ZRANB3: variants seen among roughly 807,000 people sequenced by gnomAD.
The protein encoded by ZRANB3 is DNA annealing helicase and endonuclease ZRANB3.
Under a neutral mutation model 133.8 loss-of-function variants are expected in ZRANB3, and 125 were observed. That is an observed-to-expected ratio of 0.93 (90% CI 0.81 to 1.08). The LOEUF (loss-of-function observed/expected upper bound fraction) is 1.08, where lower values mean the gene tolerates loss of function less well. ZRANB3 is among the 50% of genes least tolerant of loss of function. ZRANB3 has a pLI of 0.00. For synonymous variants in ZRANB3, 387 were observed against 432.7 expected (o/e 0.89, Z 1.31); for missense variants, 1,229 against 1,275.5 (o/e 0.96, Z 0.56).
chr2:135,424,780 T>C (rs1051871380), intron 2 of ZRANB3, among the ~76,000 whole-genome samples: 4 of 152,034 alleles, frequency 2.6e-5, no homozygotes, highest in African/African-American at 7.3e-5. Context: ...AGGAAATTAG[T>C]TTCTATATTC....
chr2:135,291,277 G>C (rs1681710472), intron 8 of ZRANB3, among the ~76,000 whole-genome samples: 1 of 152,098 alleles, frequency 6.6e-6, no homozygotes. Context: ...CTGCCTTCTA[G>C]ATTCAAGCGA....
At chr2:135,408,378 G>T (rs1688142525) in intron 2 of ZRANB3, among the ~76,000 whole-genome samples, 1 of 152,230 alleles carries the variant, frequency 6.6e-6, no homozygotes, top group East Asian at 1.9e-4. Flanking sequence ...CTGTTGGTGG[G>T]ACTGTAAACT....
At chr2:135,369,188 A>G (rs566124209) in intron 3 of ZRANB3, among the ~76,000 whole-genome samples, 1 of 152,204 alleles carries the variant, frequency 6.6e-6, no homozygotes, top group South Asian at 2.1e-4. Context: ...AAATACATAG[A>G]AAGTATTTGA....
At chr2:135,401,435 G>T (rs1008538498) in intron 2 of ZRANB3, among the ~76,000 whole-genome samples, 21 of 152,128 alleles carry the variant, frequency 1.4e-4, no homozygotes, top group African/African-American at 4.8e-4. Flanking sequence ...AGAGCTTGCT[G>T]TTGCTTTTCC....
chr2:135,297,349 G>C (rs1187119986), intron 8 of ZRANB3, among the ~76,000 whole-genome samples: 1 of 152,198 alleles, frequency 6.6e-6, no homozygotes, highest in African/African-American at 2.4e-5. Context: ...AATGAGCAAG[G>C]CTCAGTGGGC....
At chr2:135,210,729 T>C (rs954894072) in intron 17 of ZRANB3, among the ~76,000 whole-genome samples, 2 of 152,012 alleles carry the variant, frequency 1.3e-5, no homozygotes, top group Non-Finnish European at 2.9e-5. Flanking sequence ...AGGTCAGGAG[T>C]TCGAGACCAG....
intron 12 of ZRANB3, among the ~76,000 whole-genome samples, chr2:135,236,598 C>T (rs1695295950): frequency 6.6e-6 from 1 of 152,112 alleles, no homozygotes; most frequent in Non-Finnish European, 1.5e-5. Context: ...GAGATATAGA[C>T]CAATGGGACA....
intron 15 of ZRANB3, among the ~76,000 whole-genome samples, chr2:135,222,140 C>T (rs1220210061): frequency 1.3e-5 from 2 of 151,972 alleles, no homozygotes; most frequent in African/African-American, 2.4e-5. Context: ...CGTGGTGGCT[C>T]ACGTTTGTAA....
chr2:135,504,901 A>G (rs1214848412), intron 1 of ZRANB3, among the ~76,000 whole-genome samples: 2 of 152,188 alleles, frequency 1.3e-5, no homozygotes, highest in Non-Finnish European at 2.9e-5. Flanking sequence ...ACATTTTCAT[A>G]TCACACCAGA....
At chr2:135,499,213 C>T (rs537123249) in intron 2 of ZRANB3, among the ~76,000 whole-genome samples, 1 of 152,274 alleles carries the variant, frequency 6.6e-6, no homozygotes, top group South Asian at 2.1e-4. Flanking sequence ...CCAGCCGACA[C>T]TTAGGGAAAA....
intron 2 of ZRANB3, among the ~76,000 whole-genome samples, chr2:135,451,440 T>TA (rs1690262773): frequency 6.6e-6 from 1 of 151,916 alleles, no homozygotes; most frequent in African/African-American, 2.4e-5. Flanking sequence ...CACATGCCTG[T>TA]AATCCCAGCT....
intron 6 of ZRANB3, among the ~76,000 whole-genome samples, chr2:135,327,524 T>A (rs1041693827): frequency 2.0e-5 from 3 of 152,148 alleles, no homozygotes; most frequent in African/African-American, 7.2e-5. Flanking sequence ...ATAATATTAA[T>A]TTATTTAGTC....
intron 2 of ZRANB3, among the ~76,000 whole-genome samples, chr2:135,435,529 G>A (rs567195994): frequency 2.5e-4 from 38 of 152,300 alleles, no homozygotes; most frequent in African/African-American, 7.7e-4. Flanking sequence ...TTGCTAAGTC[G>A]AATGATAGTT....
chr2:135,224,363 C>T (rs1694672701), intron 15 of ZRANB3, 63 bp downstream of exon 15: 1 of 1,332,192 alleles, frequency 7.5e-7, no homozygotes, highest in Non-Finnish European at 1.0e-6. Context: ...AGTATCTCCA[C>T]TGAAAAGTGA....
intron 2 of ZRANB3, among the ~76,000 whole-genome samples, chr2:135,451,254 T>C (rs567439305): frequency 1.3e-5 from 2 of 152,234 alleles, no homozygotes; most frequent in African/African-American, 4.8e-5. Context: ...ATATATACCA[T>C]GTCTGGCATC....
At chr2:135,300,110 GA>G (rs1268858208) in intron 8 of ZRANB3, among the ~76,000 whole-genome samples, 1 of 152,024 alleles carries the variant, frequency 6.6e-6, no homozygotes, top group Non-Finnish European at 1.5e-5. Context: ...TTAAAAAAAA[GA>G]ATAGAGAAAG....
At chr2:135,327,228 T>C (rs1683879683) in intron 6 of ZRANB3, among the ~76,000 whole-genome samples, 1 of 152,136 alleles carries the variant, frequency 6.6e-6, no homozygotes, top group Admixed American at 6.6e-5. Context: ...CAGAGCAGAA[T>C]GGCCCAAGGA....
chr2:135,361,051 A>T (rs1410534127), intron 3 of ZRANB3, among the ~76,000 whole-genome samples: 1 of 152,210 alleles, frequency 6.6e-6, no homozygotes, highest in Non-Finnish European at 1.5e-5. Flanking sequence ...AAGTGCTGAG[A>T]TTACAGGCGT....
intron 1 of ZRANB3, chr2:135,511,544 G>A: frequency 9.8e-7 from 1 of 1,022,356 alleles, no homozygotes; most frequent in Admixed American, 1.7e-5. Context: ...ACCTCATCTT[G>A]CTATCTGAAG....
Sources: allele counts gnomAD v4.1 joint callset (sites outside exome capture counted in the v4.1 genomes callset), GRCh38; gene constraint gnomAD v4.1.1; transcripts MANE v1.5; gene names NCBI Gene and HGNC (gene_info 2026-07-23, HGNC 2026-07-21).